The following TGFA variants were observed in gnomAD, a reference collection of about 807,000 sequenced individuals.
The protein encoded by TGFA is protransforming growth factor alpha.
TGFA carries 12 observed loss-of-function variants against 21.7 expected under a neutral mutation model. The ratio of observed to expected loss-of-function variants is 0.55; its 90% CI spans 0.35 to 0.90. TGFA has a LOEUF of 0.90. TGFA is among the 40% of genes least tolerant of loss of function. TGFA has a pLI of 0.01. For missense variants in TGFA, 178 were observed against 210.8 expected, an observed-to-expected ratio of 0.84 and a Z score of 0.96; for synonymous variants, 79 against 88.1, an observed-to-expected ratio of 0.90 and a Z score of 0.58.
chr2:70,455,136 A>T (rs1480856207), intron 4 of TGFA, among the ~76,000 whole-genome samples: 1 of 152,186 alleles, frequency 6.6e-6, no homozygotes, highest in Non-Finnish European at 1.5e-5. Flanking sequence ...GGCCCCTGGA[A>T]GCAGAATGGA....
intron 2 of TGFA, among the ~76,000 whole-genome samples, chr2:70,483,233 C>T (rs1227256864): frequency 3.3e-5 from 5 of 152,200 alleles, no homozygotes; most frequent in Non-Finnish European, 7.3e-5. Context: ...ACTTTTCATT[C>T]TTTATTTGCT....
In TGFA at chr2:70,543,519, C is replaced by G. The variant is rs1673197081; in HGVS notation, c.40+10209G>C. On this transcript the variant is annotated intron_variant, in intron 1 of 5. Coordinates refer to ENST00000295400, the MANE Select transcript of TGFA (RefSeq NM_003236.4). ...CTAGCCTGGGCGACAGAGCGAGACT[C>G]TGTCTCAAAAAAAAAAAAAAGAAAA... is the stretch of plus-strand genomic sequence containing the variant. Among the ~76,000 whole-genome samples the G allele has an allele frequency of 1.6e-5, 2 of 125,390 alleles. 1 individual carries two copies. The highest frequency in any genetic ancestry group is 5.3e-4 in the South Asian group (2 of 3,746). The allele number at this position is 125,390 out of a possible 152,430, so 82.3% of individuals were successfully genotyped here.
At chr2:70,549,297 T>A (rs1224414069) in intron 1 of TGFA, among the ~76,000 whole-genome samples, 1 of 152,224 alleles carries the variant, frequency 6.6e-6, no homozygotes, top group African/African-American at 2.4e-5. Context: ...AAATTCACGG[T>A]GGCATTTACA....
Position 70,450,786 on chromosome 2 carries a change from A to G in TGFA, c.*73T>C. The G allele has an allele frequency of 6.5e-7, 1 of 1,543,536 alleles. No individual in the cohort carries two copies. Among genetic ancestry groups the G allele is most frequent in the Non-Finnish European group, 8.9e-7 (1 of 1,126,946 alleles). On this transcript the variant is annotated 3_prime_UTR_variant, in exon 6 of 6. Coordinates refer to ENST00000295400, the MANE Select transcript of TGFA (RefSeq NM_003236.4). ...TGTGGCACACCCAGGCATCTCTGGC[A>G]GTGCTGTCCTGAAGAAGCCTTTCTT...
intron 2 of TGFA, among the ~76,000 whole-genome samples, chr2:70,479,387 G>A (rs1553495005): frequency 6.6e-6 from 1 of 152,198 alleles, no homozygotes; most frequent in Non-Finnish European, 1.5e-5. Flanking sequence ...GCTTGTAGTT[G>A]ATGAAAAAAC....
chr2:70,504,477 CATACAT>C lies in TGFA; in HGVS notation c.94+10376_94+10381del, dbSNP rs1262153616. On this transcript the variant is annotated intron_variant, in intron 2 of 5. Transcript: ENST00000295400. The stretch of plus-strand genomic sequence containing the variant: ...ATATATATATATACACACATACATA[CATACAT>C]ACACACACACACACACACACACACA... Among the ~76,000 whole-genome samples, 359 of 67,462 alleles carry C rather than the reference CATACAT, an allele frequency of 5.3e-3. 5 individuals are homozygous for C. Among genetic ancestry groups the C allele is most frequent in the African/African-American group, 0.014 (298 of 21,924 alleles). The allele number at this position is 67,462 out of a possible 152,430, so 44.3% of individuals were successfully genotyped here. A position where few individuals can be genotyped will look rare whatever the true frequency, so the allele number is the denominator to read the frequency against.
At chr2:70,466,762 G>T (rs893710437) in intron 2 of TGFA, among the ~76,000 whole-genome samples, 1 of 152,146 alleles carries the variant, frequency 6.6e-6, no homozygotes, top group African/African-American at 2.4e-5. Context: ...ATTCACAATG[G>T]TAAAGACATG....
Position 70,465,464 on chromosome 2 carries a change from G to A in TGFA, c.215+152C>T, listed in dbSNP as rs1238653340. The A allele has an allele frequency of 4.4e-5, 42 of 949,402 alleles. No homozygotes were observed. In the Middle Eastern group the frequency reaches 1.4e-3, roughly 31 times the overall value. 58.8% of individuals were successfully genotyped at this position (949,402 alleles called of 1,614,324 possible). ...TTTTTAGACATCTGGTTTTGAAAAA[G>A]GTGTCCCTCAGCCCCACTGTTCCAA... On this transcript the variant is annotated intron_variant, in intron 3 of 5. Transcript: ENST00000295400.
chr2:70,551,151 C>T (rs938293374), intron 1 of TGFA, among the ~76,000 whole-genome samples: 14 of 152,150 alleles, frequency 9.2e-5, no homozygotes, highest in African/African-American at 2.9e-4. Context: ...TTCAACAACC[C>T]TATTAATATC....
At chr2:70,504,479 T>TATATATATATATATATATACAAACAA in intron 2 of TGFA, among the ~76,000 whole-genome samples, 1 of 87,280 alleles carries the variant, frequency 1.1e-5, no homozygotes, top group Admixed American at 1.2e-4. Context: ...CATACATACA[T>TATATATATATATATATATACAAACAA]ACATACACAC....
chr2:70,493,918 T>C (rs1227140157), intron 2 of TGFA, among the ~76,000 whole-genome samples: 3 of 152,236 alleles, frequency 2.0e-5, no homozygotes, highest in Non-Finnish European at 4.4e-5. Flanking sequence ...ATGCATTAGT[T>C]TCCCATTGCT....
At chr2:70,468,345 C>T (rs536962637) in intron 2 of TGFA, 136 of 152,332 alleles carry the variant, frequency 8.9e-4, no homozygotes, top group African/African-American at 3.2e-3. Context: ...ACTGCTGGGT[C>T]CAGTTGCCTG....
rs543455844 is a variant in TGFA, at chr2:70,494,445, A to G, written c.94+20414T>C. ...TGTGCTTGGAGTTTTCCTGATAAGT[A>G]TCTGGCTGCAATGAACACTAAGCTA... On this transcript the variant is annotated intron_variant, in intron 2 of 5. Transcript: ENST00000295400. Among the ~76,000 whole-genome samples the G allele has an allele frequency of 2.0e-5, 3 of 152,340 alleles. No homozygotes were observed. In the East Asian group the frequency reaches 5.8e-4, roughly 29 times the overall value.
At chr2:70,467,298 G>A (rs1670596608) in intron 2 of TGFA, 1 of 152,188 alleles carries the variant, frequency 6.6e-6, no homozygotes, top group African/African-American at 2.4e-5. Flanking sequence ...CCATAATGGG[G>A]AGAGAGGAAA....
chr2:70,507,396 A>G lies in TGFA; in HGVS notation c.94+7463T>C, dbSNP rs570641297. Among the ~76,000 whole-genome samples the G allele has an allele frequency of 1.4e-4, 22 of 152,386 alleles. No homozygotes were observed. The South Asian group carries it at 2.5e-3, about 17-fold the overall frequency. On this transcript the variant is annotated intron_variant, in intron 2 of 5. Transcript: ENST00000295400. Reference sequence around the variant, plus strand: ...TTTGCATCTGTGTATATAGTTTATAAGTTCGAGTTACATCATCCAATTTTA... The same window carrying G: ...TTTGCATCTGTGTATATAGTTTATAGGTTCGAGTTACATCATCCAATTTTA...
chr2:70,456,082 G>A (rs1670219174), intron 4 of TGFA, among the ~76,000 whole-genome samples: 1 of 152,240 alleles, frequency 6.6e-6, no homozygotes, highest in South Asian at 2.1e-4. Flanking sequence ...GAACGAGCAT[G>A]CCTTTGGTTC....
intron 3 of TGFA, among the ~76,000 whole-genome samples, chr2:70,461,935 A>G (rs1553491518): frequency 6.6e-6 from 1 of 151,794 alleles, no homozygotes; most frequent in South Asian, 2.1e-4. Flanking sequence ...TCTTTCCTTC[A>G]TTTTATAGCG....
At chr2:70,501,140 A>G (rs1313027169) in intron 2 of TGFA, among the ~76,000 whole-genome samples, 1 of 152,176 alleles carries the variant, frequency 6.6e-6, no homozygotes, top group Non-Finnish European at 1.5e-5. Context: ...GCATATGTTA[A>G]TTAGCTTGAT....
intron 5 of TGFA, among the ~76,000 whole-genome samples, chr2:70,451,134 G>A (rs1188489196): frequency 8.6e-5 from 13 of 151,520 alleles, no homozygotes; most frequent in Admixed American, 6.6e-4. Context: ...GGGGGGGAGC[G>A]GGGGGATGCC....
Sources: gnomAD v4.1 joint callset for allele counts (sites outside exome capture counted in the v4.1 genomes callset) on GRCh38, gnomAD v4.1.1 for gene constraint, MANE v1.5 for transcripts, NCBI Gene and HGNC (gene_info 2026-07-23, HGNC 2026-07-21) for gene names.